ERBIN: variants seen among roughly 807,000 people sequenced by gnomAD.
ERBIN encodes erbb2 interacting protein.
ERBIN carries 60 observed loss-of-function variants against 158.4 expected under a neutral mutation model. The observed-to-expected ratio is 0.38, with a 90% CI of 0.31 to 0.47. The LOEUF (loss-of-function observed/expected upper bound fraction) is 0.47. Ranked by LOEUF, ERBIN falls within the 20% of genes least tolerant of loss-of-function variation. The pLI is 0.99. For synonymous variants in ERBIN, 594 were observed against 557.2 expected (o/e 1.07, Z -0.93); for missense variants, 1,610 against 1,648.0 (o/e 0.98, Z 0.40).
At chr5:65,929,010 G>A (rs999261401) in intron 1 of ERBIN, among the ~76,000 whole-genome samples, 1 of 152,130 alleles carries the variant, frequency 6.6e-6, no homozygotes, top group Admixed American at 6.5e-5. Flanking sequence ...TCTGTTTATT[G>A]AAGGTAATCA....
intron 6 of ERBIN, among the ~76,000 whole-genome samples, chr5:66,014,242 C>T (rs1754491693): frequency 6.6e-6 from 1 of 152,162 alleles, no homozygotes; most frequent in Non-Finnish European, 1.5e-5. Context: ...CTCATTTTCT[C>T]TCTAGTTTTA....
chr5:66,036,163 C>T (rs1036984832), intron 14 of ERBIN, among the ~76,000 whole-genome samples: 2 of 152,150 alleles, frequency 1.3e-5, no homozygotes, highest in African/African-American at 4.8e-5. Context: ...ACAGTGCTTT[C>T]GAACAGTGCT....
chr5:66,067,773 C>G (rs781225224), intron 21 of ERBIN, among the ~76,000 whole-genome samples: 16 of 152,084 alleles, frequency 1.1e-4, no homozygotes, highest in Non-Finnish European at 1.8e-4. Context: ...AAAAGTTATA[C>G]TCACCAAGCC....
intron 2 of ERBIN, among the ~76,000 whole-genome samples, chr5:65,991,025 G>A (rs1358000629): frequency 1.3e-5 from 2 of 152,102 alleles, no homozygotes; most frequent in Non-Finnish European, 2.9e-5. Flanking sequence ...CAAAGTGCTA[G>A]GATTACCGGT....
At position 66,054,886 on chromosome 5, in the gene ERBIN, A is replaced by C. The variant is rs1206457654; in HGVS notation, c.3568A>C (p.Ser1190Arg). 1.2e-6 allele frequency: 2 copies of C among 1,613,944 alleles called. No individual in the cohort carries two copies. Among genetic ancestry groups the C allele is most frequent in the Non-Finnish European group, 1.7e-6 (2 of 1,179,978 alleles). The change falls in exon 21 of 26, where the codon AGT becomes CGT. Residue 1190 changes from serine to arginine, a missense_variant. This residue lies in a region of ERBIN where 1,014 missense variants were observed against 936.1 expected (regional missense o/e 1.08). Coordinates refer to ENST00000284037, the MANE Select transcript of ERBIN (RefSeq NM_001253697.2). ...EHSLLDPPGK[S>R]KVPRDWREQV... is the part of the protein sequence containing the mutation. The stretch of plus-strand genomic sequence containing the variant: ...TTCTTTATTAGATCCTCCAGGAAAA[A>C]GTAAAGTTCCTCGTGACTGGAGAGA...
intron 4 of ERBIN, among the ~76,000 whole-genome samples, chr5:66,009,444 A>G (rs2151097154): frequency 6.6e-6 from 1 of 152,300 alleles, no homozygotes; most frequent in Non-Finnish European, 1.5e-5. Flanking sequence ...GAATAGTAAC[A>G]TGTACTTAAA....
rs571843650 is a variant in ERBIN at position 65,932,263 on chromosome 5, C to T, written c.-58+5457C>T. On this transcript the variant is annotated intron_variant, in intron 1 of 25. Coordinates refer to ENST00000284037, the MANE Select transcript of ERBIN (RefSeq NM_001253697.2). ...CTGAGGCAGGAGAATTGCCTGAACTCGGGAGGTGGAGGTTGCAGTGAGCCG... is the reference window on the plus strand; with the variant it reads ...CTGAGGCAGGAGAATTGCCTGAACTTGGGAGGTGGAGGTTGCAGTGAGCCG... Among the ~76,000 whole-genome samples the T allele has an allele frequency of 2.6e-4, 37 of 144,340 alleles. No individual in the cohort carries two copies. In the South Asian group the frequency reaches 7.0e-3, roughly 27 times the overall value. The allele number at this position is 144,340 out of a possible 152,430, so 94.7% of individuals were successfully genotyped here. A position where few individuals can be genotyped will look rare whatever the true frequency, so the allele number is the denominator to read the frequency against.
intron 1 of ERBIN, among the ~76,000 whole-genome samples, chr5:65,960,373 A>T (rs1747770873): frequency 6.6e-6 from 1 of 152,226 alleles, no homozygotes; most frequent in Non-Finnish European, 1.5e-5. Flanking sequence ...CTTTCTGAGT[A>T]GTGGAAATGT....
intron 3 of ERBIN, among the ~76,000 whole-genome samples, chr5:65,993,237 G>C (rs1752069992): frequency 1.3e-5 from 2 of 152,172 alleles, no homozygotes; most frequent in Admixed American, 1.3e-4. Flanking sequence ...AATTAATGCT[G>C]TCTTTTCCTA....
At chr5:66,073,141 C>T (rs966782978) in intron 22 of ERBIN, among the ~76,000 whole-genome samples, 2 of 152,068 alleles carry the variant, frequency 1.3e-5, no homozygotes, top group Admixed American at 6.6e-5. Flanking sequence ...TTAATATATT[C>T]CATGTGTATG....
At chr5:65,956,606 C>T (rs531122982) in intron 1 of ERBIN, among the ~76,000 whole-genome samples, 1 of 151,378 alleles carries the variant, frequency 6.6e-6, no homozygotes, top group Non-Finnish European at 1.5e-5. Context: ...TTTCGAACTC[C>T]TAGGCTCAAG....
intron 1 of ERBIN, among the ~76,000 whole-genome samples, chr5:65,981,639 A>G (rs1416716672): frequency 1.0e-4 from 15 of 150,512 alleles, no homozygotes; most frequent in Non-Finnish European, 5.9e-5. Flanking sequence ...TGTTTTAGTT[A>G]TTTTTAAACA....
chr5:66,061,255 ATAGT>A (rs1368950252), intron 21 of ERBIN, among the ~76,000 whole-genome samples: 1 of 149,934 alleles, frequency 6.7e-6, no homozygotes, highest in Non-Finnish European at 1.5e-5. Context: ...TATATTTAGG[ATAGT>A]TAGTTCTTGT....
chr5:66,078,926 T>TTATTTTTATTCAACTGGTATTAA lies in ERBIN; in HGVS notation c.*398_*420dup. The TTATTTTTATTCAACTGGTATTAA allele has an allele frequency of 5.9e-6, 1 of 169,114 alleles. No homozygotes were observed. Among genetic ancestry groups the TTATTTTTATTCAACTGGTATTAA allele is most frequent in the Non-Finnish European group, 1.3e-5 (1 of 79,016 alleles). 10.5% of individuals were successfully genotyped at this position (169,114 alleles called of 1,614,324 possible). ...TATCTCTCTCATAGCTTTTATGCCC[T>TTATTTTTATTCAACTGGTATTAA]TATTTTTATTCAACTGGTATTAATG... On this transcript the variant is annotated 3_prime_UTR_variant, in exon 26 of 26. Transcript: ENST00000284037.
rs1339609297 is a variant in ERBIN, at chr5:66,064,632, A to G, written c.3634-7537A>G. 2.6e-5 allele frequency among the ~76,000 whole-genome samples: 4 copies of G among 152,342 alleles called. No homozygotes were observed. In the South Asian group the frequency reaches 6.2e-4, roughly 24 times the overall value. ...TCCTGAGCATATAGAGTATTTTAGG[A>G]TATCTTAGGCAAAAGTGTTCAGGAT... On this transcript the variant is annotated intron_variant, in intron 21 of 25. Transcript: ENST00000284037.
chr5:66,004,968 C>G (rs778124899), intron 4 of ERBIN, among the ~76,000 whole-genome samples: 1 of 152,066 alleles, frequency 6.6e-6, no homozygotes, highest in Non-Finnish European at 1.5e-5. Context: ...AATGAAGAGC[C>G]TTGGAGGCAT....
At chr5:66,062,056 C>T (rs1309661801) in intron 21 of ERBIN, among the ~76,000 whole-genome samples, 2 of 152,052 alleles carry the variant, frequency 1.3e-5, no homozygotes, top group East Asian at 1.9e-4. Context: ...ATCTTTGTGG[C>T]GTTCTCTGTA....
intron 14 of ERBIN, among the ~76,000 whole-genome samples, chr5:66,033,107 T>A (rs1757054388): frequency 6.6e-6 from 1 of 152,210 alleles, no homozygotes. Flanking sequence ...TAAAAATTTC[T>A]AACCTTCAGA....
intron 1 of ERBIN, among the ~76,000 whole-genome samples, chr5:65,977,242 G>C (rs2151003376): frequency 6.8e-6 from 1 of 147,528 alleles, no homozygotes. Flanking sequence ...GGCCGGGCGG[G>C]GGGCTGACCC....
Sources: gnomAD v4.1 joint callset for allele counts (sites outside exome capture counted in the v4.1 genomes callset) on GRCh38, gnomAD v4.1.1 for gene constraint, gnomAD v4.1.1 regional missense constraint, MANE v1.5 for transcripts, NCBI Gene and HGNC (gene_info 2026-07-23, HGNC 2026-07-21) for gene names.